The following HMGCS2 variants were observed in gnomAD, a reference collection of about 807,000 sequenced individuals.
The protein encoded by HMGCS2 is 3-hydroxy-3-methylglutaryl-CoA synthase 2.
A neutral mutation model predicts 57.4 loss-of-function variants in HMGCS2; 50 were observed. The ratio of observed to expected loss-of-function variants is 0.87; its 90% CI spans 0.69 to 1.10. HMGCS2 has a LOEUF of 1.10. Among genes scored for constraint, HMGCS2 ranks in the 50% least tolerant of loss-of-function variants. The pLI, the probability that HMGCS2 is intolerant of heterozygous loss-of-function variation, is 0.00. For missense variants in HMGCS2, 627 were observed against 636.5 expected (o/e 0.99, Z 0.16); for synonymous variants, 254 against 245.1 (o/e 1.04, Z -0.34).
chr1:119,751,150 T>C (rs1232149715), intron 8 of HMGCS2, among the ~76,000 whole-genome samples: 1 of 152,050 alleles, frequency 6.6e-6, no homozygotes, highest in African/African-American at 2.4e-5. Flanking sequence ...ATTATAAGAG[T>C]ACAACATTTT....
intron 1 of HMGCS2, among the ~76,000 whole-genome samples, chr1:119,765,190 G>C (rs975975775): frequency 1.3e-5 from 2 of 152,118 alleles, no homozygotes; most frequent in Non-Finnish European, 2.9e-5. Flanking sequence ...CTCACTGCAA[G>C]CTCCGCCTCC....
Position 119,748,468 on chromosome 1 carries a change from CAATATT to C in HMGCS2, c.*373_*378del. The C allele has an allele frequency of 6.6e-6, 1 of 152,074 alleles. No individual in the cohort carries two copies. The highest frequency in any genetic ancestry group is 1.9e-4 in the East Asian group (1 of 5,206). 9.4% of individuals were successfully genotyped at this position (152,074 alleles called of 1,614,324 possible). ...TCACAGGAACAGCACAGAAGTTTAA[CAATATT>C]AATAATAATAAAGTTCTAACACATG... is the stretch of plus-strand genomic sequence containing the variant. On this transcript the variant is annotated 3_prime_UTR_variant, in exon 10 of 10. Transcript: ENST00000369406.
At chr1:119,764,723 T>A in intron 1 of HMGCS2, 97 bp from the exon 2 acceptor site, 2 of 950,322 alleles carry the variant, frequency 2.1e-6, no homozygotes, top group African/African-American at 1.6e-5. Context: ...TTTTCTATAT[T>A]TTGAAGCTAT....
At chr1:119,755,387 G>A (rs1487474723) in intron 6 of HMGCS2, 40 bp downstream of exon 6, 1 of 1,599,984 alleles carries the variant, frequency 6.3e-7, no homozygotes, top group African/African-American at 1.3e-5. Flanking sequence ...CGGAGGCTGA[G>A]GGTGTGCATG....
chr1:119,749,596 C>T (rs187108575), intron 9 of HMGCS2, among the ~76,000 whole-genome samples: 1 of 152,278 alleles, frequency 6.6e-6, no homozygotes, highest in East Asian at 1.9e-4. Flanking sequence ...CCCACTTGTC[C>T]ACCTCTCCTA....
chr1:119,767,119 G>A (rs587722036), intron 1 of HMGCS2, among the ~76,000 whole-genome samples: 2 of 152,290 alleles, frequency 1.3e-5, no homozygotes, highest in East Asian at 1.9e-4. Context: ...GTTGAACAAA[G>A]GGGTTGGACA....
intron 5 of HMGCS2, among the ~76,000 whole-genome samples, chr1:119,755,807 T>C (rs1200975253): frequency 6.6e-6 from 1 of 152,172 alleles, no homozygotes; most frequent in African/African-American, 2.4e-5. Flanking sequence ...GTGGAATCCA[T>C]CCCTAATTTT....
At chr1:119,760,261 A>G (rs1652995522) in intron 2 of HMGCS2, among the ~76,000 whole-genome samples, 1 of 152,186 alleles carries the variant, frequency 6.6e-6, no homozygotes, top group South Asian at 2.1e-4. Context: ...GCACTTTTGG[A>G]GACAATTCAG....
intron 9 of HMGCS2, 69 bp downstream of exon 9, chr1:119,750,724 TTCTC>T (rs2101244300): frequency 1.1e-6 from 1 of 947,758 alleles, no homozygotes; most frequent in African/African-American, 1.6e-5. Context: ...TGTCCCCACC[TTCTC>T]TCTCTGTGTT....
intron 6 of HMGCS2, 128 bp downstream of exon 6, chr1:119,755,299 C>T (rs1571033292): frequency 1.1e-6 from 1 of 947,632 alleles, no homozygotes; most frequent in East Asian, 2.4e-5. Flanking sequence ...TGAGCCACTA[C>T]ACCAGGCCCC....
intron 9 of HMGCS2, among the ~76,000 whole-genome samples, chr1:119,750,576 C>T (rs1652621077): frequency 6.6e-6 from 1 of 152,150 alleles, no homozygotes; most frequent in African/African-American, 2.4e-5. Flanking sequence ...GTGAACCCTC[C>T]CTGGCCTGGT....
chr1:119,758,724 G>A (rs1652931828), intron 4 of HMGCS2, among the ~76,000 whole-genome samples: 1 of 152,166 alleles, frequency 6.6e-6, no homozygotes, highest in African/African-American at 2.4e-5. Context: ...CTCAACGTGA[G>A]ACTTTAAAAG....
chr1:119,758,383 G>A (rs947421517), intron 4 of HMGCS2, among the ~76,000 whole-genome samples: 1 of 151,926 alleles, frequency 6.6e-6, no homozygotes, highest in African/African-American at 2.4e-5. Context: ...ACAGGCTTAT[G>A]CCACCATGCC....
intron 1 of HMGCS2, among the ~76,000 whole-genome samples, chr1:119,768,264 CA>C (rs1653306072): frequency 6.6e-6 from 1 of 152,214 alleles, no homozygotes; most frequent in Non-Finnish European, 1.5e-5. Flanking sequence ...CACATAAACA[CA>C]CATTTCCCCT....
rs587663027 is a variant in HMGCS2 at position 119,758,192 on chromosome 1, T to C, written c.851-754A>G. Reference sequence around the variant, plus strand: ...GGCATGCCTGAGCAGGCAAGAATACTATTTATGTCTTTAAAGTAGGTTTAA... The same window carrying C: ...GGCATGCCTGAGCAGGCAAGAATACCATTTATGTCTTTAAAGTAGGTTTAA... On this transcript the variant is annotated intron_variant, in intron 4 of 9. Coordinates refer to ENST00000369406, the MANE Select transcript of HMGCS2 (RefSeq NM_005518.4). 5.5e-4 allele frequency among the ~76,000 whole-genome samples: 84 copies of C among 152,394 alleles called. No homozygotes were observed. The South Asian group carries it at 0.017, about 31-fold the overall frequency.
chr1:119,762,462 C>T (rs1653079831), intron 2 of HMGCS2, among the ~76,000 whole-genome samples: 1 of 150,376 alleles, frequency 6.6e-6, no homozygotes, highest in Admixed American at 6.6e-5. Context: ...AAAAAAAACA[C>T]AAGAAAACAT....
intron 2 of HMGCS2, among the ~76,000 whole-genome samples, chr1:119,762,492 G>A (rs1222791735): frequency 6.6e-6 from 1 of 150,952 alleles, no homozygotes; most frequent in Admixed American, 6.6e-5. Context: ...CAGCCAATCT[G>A]AGCCAGAAAT....
chr1:119,752,781 G>A (rs1652706851), intron 7 of HMGCS2, 107 bp from the exon 8 acceptor site: 6 of 1,262,460 alleles, frequency 4.8e-6, no homozygotes, highest in Non-Finnish European at 6.9e-6. Context: ...ACACCCTGGA[G>A]GAACGTGTGG....
At chr1:119,766,360 G>T (rs893155723) in intron 1 of HMGCS2, among the ~76,000 whole-genome samples, 1 of 152,128 alleles carries the variant, frequency 6.6e-6, no homozygotes, top group African/African-American at 2.4e-5. Context: ...TATAAATTTA[G>T]CTCCATTCTA....
Sources: gnomAD v4.1 joint callset for allele counts (sites outside exome capture counted in the v4.1 genomes callset) on GRCh38, gnomAD v4.1.1 for gene constraint, MANE v1.5 for transcripts, NCBI Gene and HGNC (gene_info 2026-07-23, HGNC 2026-07-21) for gene names.